Variants in RNF220 observed in about 807,000 individuals in gnomAD.
The protein encoded by RNF220 is ring finger protein 220.
A neutral mutation model predicts 67.1 loss-of-function variants in RNF220; 7 were observed. The ratio of observed to expected loss-of-function variants is 0.10; its 90% CI spans 0.06 to 0.20. The LOEUF is 0.20. Ranked by LOEUF, RNF220 falls within the 10% of genes least tolerant of loss-of-function variation. The pLI is 1.00. For synonymous variants in RNF220, 270 were observed against 283.2 expected, an observed-to-expected ratio of 0.95 and a Z score of 0.47; for missense variants, 565 against 740.3, an observed-to-expected ratio of 0.76 and a Z score of 2.75.
intron 2 of RNF220, among the ~76,000 whole-genome samples, chr1:44,579,495 C>T (rs1213503817): frequency 6.6e-6 from 1 of 152,178 alleles, no homozygotes; most frequent in Non-Finnish European, 1.5e-5. Flanking sequence ...CAGGGTGGCT[C>T]CATCACTGGG....
In RNF220 at chr1:44,412,505, T is replaced by A; in HGVS notation, c.408T>A (p.Phe136Leu). 1 of 1,613,760 alleles carries A rather than the reference T, an allele frequency of 6.2e-7. No individual in the cohort carries two copies. The highest frequency in any genetic ancestry group is 8.5e-7 in the Non-Finnish European group (1 of 1,179,728). ...ACCGGGAGAGCTATCAGTCAGCCTT[T>A]ACGCCGGCCAAGCGACTTAAGAACT... is the stretch of plus-strand genomic sequence containing the variant. The part of the protein sequence containing the change: ...TEDRESYQSA[F>L]TPAKRLKNCH... The change falls in exon 2 of 15, where the codon TTT becomes TTA. Residue 136 changes from phenylalanine to leucine, a missense_variant. By Grantham distance (22) the Phe-to-Leu change is conservative. Coordinates refer to ENST00000361799, the MANE Select transcript of RNF220 (RefSeq NM_018150.4). This position sits in a 1 kb window ranked among gnomAD's most constrained non-coding sequence, Gnocchi z 5.3.
chr1:44,567,795 C>T lies in RNF220; in HGVS notation c.626-46370C>T, dbSNP rs189719105. On this transcript the variant is annotated intron_variant, in intron 2 of 14. Coordinates refer to ENST00000361799, the MANE Select transcript of RNF220 (RefSeq NM_018150.4). ...AGCTCACATCTACTAGGGAGAAAGA[C>T]TTCTGAACAGACATGAAACTCAGTG... Among the ~76,000 whole-genome samples, 1,238 of 152,224 alleles carry T rather than the reference C, an allele frequency of 8.1e-3. 59 individuals carry two copies. Among genetic ancestry groups the T allele is most frequent in the Admixed American group, 0.074 (1,132 of 15,284 alleles).
chr1:44,569,083 G>A (rs1664246098), intron 2 of RNF220, among the ~76,000 whole-genome samples: 1 of 152,160 alleles, frequency 6.6e-6, no homozygotes, highest in Admixed American at 6.5e-5. Flanking sequence ...AACTGATGAA[G>A]AACAAACACT....
At chr1:44,548,528 C>A (rs1024267332) in intron 2 of RNF220, among the ~76,000 whole-genome samples, 1 of 152,020 alleles carries the variant, frequency 6.6e-6, no homozygotes, top group African/African-American at 2.4e-5. Context: ...AGGTCTCACT[C>A]TGTCACTGAG....
intron 2 of RNF220, among the ~76,000 whole-genome samples, chr1:44,413,445 G>GAAA (rs1180562394): frequency 6.6e-6 from 1 of 152,182 alleles, no homozygotes; most frequent in Non-Finnish European, 1.5e-5. Context: ...TTATGAAACA[G>GAAA]CTTTTTTTCA....
chr1:44,454,485 A>C (rs955163417), intron 2 of RNF220, among the ~76,000 whole-genome samples: 1 of 151,618 alleles, frequency 6.6e-6, no homozygotes, highest in Non-Finnish European at 1.5e-5. Context: ...TTCTAATACT[A>C]TTTACCTGTG....
Position 44,511,353 on chromosome 1 carries a change from G to C in RNF220, c.625+98631G>C, listed in dbSNP as rs138133739. On this transcript the variant is annotated intron_variant, in intron 2 of 14. Transcript: ENST00000361799. The stretch of plus-strand genomic sequence containing the variant: ...ACTTTCACTAGCGAAGGGTTAAAGG[G>C]AATAAATATGTTTAGCAATATATTG... Among the ~76,000 whole-genome samples, 170 of 152,240 alleles carry C rather than the reference G, an allele frequency of 1.1e-3. 1 individual carries two copies. Among genetic ancestry groups the C allele is most frequent in the African/African-American group, 3.9e-3 (164 of 41,536 alleles).
chr1:44,526,276 C>T (rs191909872), intron 2 of RNF220, among the ~76,000 whole-genome samples: 4 of 152,206 alleles, frequency 2.6e-5, no homozygotes, highest in Non-Finnish European at 5.9e-5. Flanking sequence ...GAATGACTTC[C>T]CATTTCCCAC....
At chr1:44,615,209 C>T (rs1643493035) in intron 3 of RNF220, among the ~76,000 whole-genome samples, 1 of 152,154 alleles carries the variant, frequency 6.6e-6, no homozygotes, top group Non-Finnish European at 1.5e-5. Context: ...CAGCTTTGGG[C>T]TCCAAAAGCA....
In RNF220 at chr1:44,410,858, C is replaced by T. The variant is rs948266254; in HGVS notation, c.-117-1123C>T. On this transcript the variant is annotated intron_variant, in intron 1 of 14. Coordinates refer to ENST00000361799, the MANE Select transcript of RNF220 (RefSeq NM_018150.4). ...TCTTGGTATTCATCTTATATTGTCC[C>T]GGCTTTTGATATATAGCCCTTCTCC... 4.6e-5 allele frequency among the ~76,000 whole-genome samples: 7 copies of T among 152,116 alleles called. 1 individual carries two copies. The highest frequency in any genetic ancestry group is 6.5e-5 in the Admixed American group (1 of 15,278).
At chr1:44,420,262 G>C (rs1649061654) in intron 2 of RNF220, among the ~76,000 whole-genome samples, 1 of 152,212 alleles carries the variant, frequency 6.6e-6, no homozygotes, top group African/African-American at 2.4e-5. Context: ...AGTGAAGAAG[G>C]AACCTTTTGG....
In RNF220 at chr1:44,551,119, CTTTT is replaced by C. The variant is rs386366846; in HGVS notation, c.626-63028_626-63025del. On this transcript the variant is annotated intron_variant, in intron 2 of 14. Transcript: ENST00000361799. The stretch of plus-strand genomic sequence containing the variant: ...GTTTACTGTCATCTTCACTTCTTGC[CTTTT>C]TTTTTTTTTTTTTTTTTGAGGCGCT... Among the ~76,000 whole-genome samples the C allele has an allele frequency of 7.2e-5, 7 of 97,480 alleles. No individual in the cohort carries two copies. In the South Asian group the frequency reaches 1.7e-3, roughly 24 times the overall value. 64.0% of individuals were successfully genotyped at this position (97,480 alleles called of 152,430 possible). A position where few individuals can be genotyped will look rare whatever the true frequency, so the allele number is the denominator to read the frequency against.
chr1:44,466,852 A>G (rs140602708), intron 2 of RNF220, among the ~76,000 whole-genome samples: 150 of 152,382 alleles, frequency 9.8e-4, no homozygotes, highest in African/African-American at 3.6e-3. Flanking sequence ...TAGATTTAGC[A>G]TAATTTTTAA....
At chr1:44,632,007 G>A (rs969674284) in intron 5 of RNF220, 18 of 1,024,126 alleles carry the variant, frequency 1.8e-5, no homozygotes, top group Non-Finnish European at 1.6e-5. Context: ...GAGCTGAAGT[G>A]CCGCCGCCGC....
intron 2 of RNF220, among the ~76,000 whole-genome samples, chr1:44,580,901 G>A (rs80073853): frequency 0.066 from 10,009 of 152,238 alleles, 642 homozygotes; most frequent in East Asian, 0.16. Context: ...GTGTCCATTC[G>A]CTGTGTGGCC....
chr1:44,452,694 C>T lies in RNF220; in HGVS notation c.625+39972C>T, dbSNP rs565626178. ...CCATGTTGACCAGGCTGGTCTCGAA[C>T]TCCTGACCTCAAGTGATCCACCTGC... On this transcript the variant is annotated intron_variant, in intron 2 of 14. Coordinates refer to ENST00000361799, the MANE Select transcript of RNF220 (RefSeq NM_018150.4). Among the ~76,000 whole-genome samples, 4 of 152,280 alleles carry T rather than the reference C, an allele frequency of 2.6e-5. No homozygotes were observed. The South Asian group carries it at 8.3e-4, about 32-fold the overall frequency.
At chr1:44,497,326 C>A in intron 2 of RNF220, among the ~76,000 whole-genome samples, 1 of 113,328 alleles carries the variant, frequency 8.8e-6, no homozygotes, top group African/African-American at 3.3e-5. Flanking sequence ...ATATGATAAT[C>A]TCCCCTTCCC....
At chr1:44,506,925 A>T (rs1007480477) in intron 2 of RNF220, among the ~76,000 whole-genome samples, 2 of 152,228 alleles carry the variant, frequency 1.3e-5, no homozygotes, top group African/African-American at 4.8e-5. Context: ...TAGATTGTTG[A>T]TCACGGAGTC....
intron 2 of RNF220, among the ~76,000 whole-genome samples, chr1:44,524,478 C>T (rs1660204216): frequency 6.6e-6 from 1 of 152,184 alleles, no homozygotes; most frequent in Admixed American, 6.5e-5. Context: ...AACCCGGTTG[C>T]TGTGGTGACC....
Sources: allele counts gnomAD v4.1 joint callset (sites outside exome capture counted in the v4.1 genomes callset), GRCh38; gene constraint gnomAD v4.1.1; non-coding constraint Gnocchi (gnomAD v3.1); transcripts MANE v1.5; gene names NCBI Gene and HGNC (gene_info 2026-07-23, HGNC 2026-07-21).